Variants in NUDT7 observed in about 807,000 individuals in gnomAD.
The protein encoded by NUDT7 is peroxisomal coenzyme A diphosphatase NUDT7.
A neutral mutation model predicts 13.1 loss-of-function variants in NUDT7; 19 were observed. That is an observed-to-expected ratio of 1.45 (90% CI 1.01 to 2.13). The LOEUF is 2.13. Among genes scored for constraint, NUDT7 ranks in the 30% most tolerant of loss-of-function variants. NUDT7 has a pLI of 0.00. For synonymous variants in NUDT7, 132 were observed against 109.7 expected, an observed-to-expected ratio of 1.20 and a Z score of -1.27; for missense variants, 360 against 291.7, an observed-to-expected ratio of 1.23 and a Z score of -1.71.
intron 2 of NUDT7, among the ~76,000 whole-genome samples, chr16:77,729,948 C>T (rs185296928): frequency 2.1e-3 from 317 of 151,540 alleles, no homozygotes; most frequent in Non-Finnish European, 4.1e-3. Flanking sequence ...AATCAATGTA[C>T]TAACTCACAT....
In NUDT7 at chr16:77,741,980, C is replaced by A; in HGVS notation, c.*30C>A. The A allele has an allele frequency of 6.5e-7, 1 of 1,538,596 alleles. No homozygotes were observed. The highest frequency in any genetic ancestry group is 8.7e-7 in the Non-Finnish European group (1 of 1,148,668). ...CTAGAGCAAGAGACAAAGAACTATT[C>A]ACGAGGATTCTGTGTGTGCTTATTC... On this transcript the variant is annotated 3_prime_UTR_variant, in exon 4 of 4. Coordinates refer to ENST00000268533, the MANE Select transcript of NUDT7 (RefSeq NM_001105663.3).
intron 3 of NUDT7, chr16:77,736,217 T>C: frequency 4.3e-6 from 2 of 461,644 alleles, no homozygotes; most frequent in Non-Finnish European, 7.8e-6. Flanking sequence ...TGAACTCCCA[T>C]CAGTGGATTT....
chr16:77,732,890 G>A (rs1177833475), intron 2 of NUDT7, among the ~76,000 whole-genome samples: 3 of 152,152 alleles, frequency 2.0e-5, no homozygotes, highest in Non-Finnish European at 4.4e-5. Flanking sequence ...GGAGTTGAAC[G>A]TTCTAACAAT....
At chr16:77,738,460 T>C (rs1292787392) in intron 3 of NUDT7, among the ~76,000 whole-genome samples, 2 of 152,250 alleles carry the variant, frequency 1.3e-5, no homozygotes, top group African/African-American at 4.8e-5. Context: ...TGGCCCCTGC[T>C]AATTTTTAAA....
chr16:77,733,340 C>T (rs1224191505), intron 2 of NUDT7, among the ~76,000 whole-genome samples: 1 of 152,184 alleles, frequency 6.6e-6, no homozygotes, highest in Non-Finnish European at 1.5e-5. Context: ...TGTTTCAGTT[C>T]ATAGATAGTC....
At chr16:77,724,843 TC>T (rs1437185120) in intron 1 of NUDT7, among the ~76,000 whole-genome samples, 1 of 152,230 alleles carries the variant, frequency 6.6e-6, no homozygotes, top group Admixed American at 6.5e-5. Flanking sequence ...CAGAATGTGT[TC>T]CCCTGTCCAC....
intron 2 of NUDT7, chr16:77,735,249 C>G (rs554198248): frequency 6.2e-5 from 25 of 400,774 alleles, no homozygotes; most frequent in African/African-American, 4.3e-4. Context: ...CAATATTGGA[C>G]CTGGGGCCTG....
chr16:77,723,899 T>C (rs368758318), intron 1 of NUDT7, among the ~76,000 whole-genome samples: 14 of 152,164 alleles, frequency 9.2e-5, no homozygotes, highest in East Asian at 1.9e-4. Context: ...GCCTCCTATA[T>C]ACATTTGAAG....
intron 2 of NUDT7, among the ~76,000 whole-genome samples, chr16:77,730,642 G>A (rs571636999): frequency 9.9e-5 from 15 of 152,080 alleles, no homozygotes; most frequent in Non-Finnish European, 2.1e-4. Flanking sequence ...TGGGATTGCT[G>A]GATCATATGG....
intron 2 of NUDT7, among the ~76,000 whole-genome samples, chr16:77,735,087 C>A (rs1405897518): frequency 6.6e-6 from 1 of 152,152 alleles, no homozygotes; most frequent in African/African-American, 2.4e-5. Flanking sequence ...ACATAATAAG[C>A]AGCCATTAAA....
chr16:77,725,643 A>AT (rs2014111993), intron 2 of NUDT7, 59 bp downstream of exon 2: 1 of 1,530,426 alleles, frequency 6.5e-7, no homozygotes, highest in East Asian at 2.3e-5. Context: ...ACCTCACGAG[A>AT]TTTTGTCACT....
In NUDT7 at chr16:77,725,403, AT is replaced by A. The variant is rs751431372; in HGVS notation, c.36-27del. The A allele has an allele frequency of 9.4e-6, 15 of 1,595,068 alleles. 1 individual carries two copies. The African/African-American group carries it at 2.0e-4, about 21-fold the overall frequency. ...TTTTACCATAACTCTGCTTGCTAAA[AT>A]GTCTGTCTGGTTTGTTTTTATTTTA... On this transcript the variant is annotated intron_variant, in intron 1 of 3. Coordinates refer to ENST00000268533, the MANE Select transcript of NUDT7 (RefSeq NM_001105663.3).
intron 3 of NUDT7, among the ~76,000 whole-genome samples, chr16:77,737,705 T>G (rs925375084): frequency 1.3e-5 from 2 of 152,134 alleles, no homozygotes; most frequent in African/African-American, 4.8e-5. Flanking sequence ...CAGGATGGTC[T>G]CGATCTCCTG....
At position 77,736,242 on chromosome 16, in the gene NUDT7, T is replaced by C. The variant is rs1267426277; in HGVS notation, c.348+256T>C. 7 of 421,356 alleles carry C rather than the reference T, an allele frequency of 1.7e-5. No individual in the cohort carries two copies. The East Asian group carries it at 2.3e-4, about 14-fold the overall frequency. The allele number at this position is 421,356 out of a possible 1,614,324, so 26.1% of individuals were successfully genotyped here. ...TCAGTGGATTTCAAACTGGATGCCA[T>C]AGAACCCTAGAGAGATGCTTCAGAA... On this transcript the variant is annotated intron_variant, in intron 3 of 3. Coordinates refer to ENST00000268533, the MANE Select transcript of NUDT7 (RefSeq NM_001105663.3).
intron 2 of NUDT7, among the ~76,000 whole-genome samples, chr16:77,726,227 A>C (rs1221624559): frequency 6.6e-6 from 1 of 152,248 alleles, no homozygotes; most frequent in Non-Finnish European, 1.5e-5. Context: ...TCTGTACTTC[A>C]GTCTTTTCAC....
intron 2 of NUDT7, among the ~76,000 whole-genome samples, chr16:77,734,399 A>G (rs2014412242): frequency 6.6e-6 from 1 of 152,174 alleles, no homozygotes; most frequent in Non-Finnish European, 1.5e-5. Context: ...CGAGGAGGGC[A>G]GATCACGAGG....
At chr16:77,723,254 C>G (rs547431780) in intron 1 of NUDT7, among the ~76,000 whole-genome samples, 4 of 152,290 alleles carry the variant, frequency 2.6e-5, no homozygotes, top group Non-Finnish European at 5.9e-5. Context: ...CCACAGTTTC[C>G]TTTTCTGGAG....
chr16:77,735,759 A>G, intron 2 of NUDT7, 69 bp from the exon 3 acceptor site: 1 of 1,402,452 alleles, frequency 7.1e-7, no homozygotes, highest in South Asian at 1.3e-5. Context: ...TCCAGTAAGT[A>G]TTTGTTGAAT....
intron 3 of NUDT7, chr16:77,737,488 G>GTTTTTTTTTTT: frequency 6.8e-6 from 1 of 146,526 alleles, no homozygotes; most frequent in African/African-American, 2.6e-5. Context: ...TTTTTTTGTT[G>GTTTTTTTTTTT]TTGTTGTTGT....
Sources: gnomAD v4.1 joint callset for allele counts (sites outside exome capture counted in the v4.1 genomes callset) on GRCh38, gnomAD v4.1.1 for gene constraint, MANE v1.5 for transcripts, NCBI Gene and HGNC (gene_info 2026-07-23, HGNC 2026-07-21) for gene names.